Variants in THSD7B observed in about 807,000 individuals in gnomAD.
THSD7B encodes the protein thrombospondin type-1 domain-containing protein 7B.
Under a neutral mutation model 213.6 loss-of-function variants are expected in THSD7B, and 138 were observed. That is an observed-to-expected ratio of 0.65 (90% CI 0.56 to 0.74). The LOEUF is 0.74. Among genes scored for constraint, THSD7B ranks in the 30% least tolerant of loss-of-function variants. THSD7B has a pLI of 0.00. For synonymous variants in THSD7B, 742 were observed against 687.0 expected, an observed-to-expected ratio of 1.08 and a Z score of -1.25; for missense variants, 1,931 against 1,991.5, an observed-to-expected ratio of 0.97 and a Z score of 0.58.
At position 136,789,389 on chromosome 2, in the gene THSD7B, T is replaced by C. The variant is rs531706996; in HGVS notation, c.-36+23702T>C. On this transcript the variant is annotated intron_variant, in intron 1 of 27. Transcript: ENST00000409968. ...AATATACATGTTTTCAGGGTACCTC[T>C]GATAATATGATACATTCACATAATA... 1.5e-4 allele frequency among the ~76,000 whole-genome samples: 23 copies of C among 152,246 alleles called. No individual in the cohort carries two copies. In the South Asian group the frequency reaches 3.7e-3, roughly 25 times the overall value.
At chr2:137,158,109 A>C (rs1476010796) in intron 5 of THSD7B, among the ~76,000 whole-genome samples, 1 of 152,244 alleles carries the variant, frequency 6.6e-6, no homozygotes, top group East Asian at 1.9e-4. Flanking sequence ...GTAGCCAGAC[A>C]CTACTCAAGA....
intron 7 of THSD7B, among the ~76,000 whole-genome samples, chr2:137,216,655 G>A (rs1681251772): frequency 6.6e-6 from 1 of 152,184 alleles, no homozygotes; most frequent in East Asian, 1.9e-4. Flanking sequence ...AGATCCGTAA[G>A]TCAGCTCAGC....
intron 9 of THSD7B, 105 bp from the exon 10 acceptor site, chr2:137,242,352 G>A: frequency 3.7e-6 from 3 of 805,810 alleles, no homozygotes; most frequent in Non-Finnish European, 6.0e-6. Context: ...CACCTATTAA[G>A]GGAACATGAG....
At chr2:136,962,403 C>CTTTTTTTTTTTTTTT (rs71400559) in intron 2 of THSD7B, among the ~76,000 whole-genome samples, 2 of 100,178 alleles carry the variant, frequency 2.0e-5, no homozygotes, top group African/African-American at 3.8e-5. Context: ...AATCTGTTAT[C>CTTTTTTTTTTTTTTT]TTTTTTTTTT....
intron 6 of THSD7B, among the ~76,000 whole-genome samples, chr2:137,164,396 A>T (rs962468009): frequency 1.3e-5 from 2 of 152,158 alleles, no homozygotes; most frequent in Admixed American, 6.5e-5. Flanking sequence ...GCTGGAGAGG[A>T]TGTGGAGAAA....
rs921922402 is a variant in THSD7B at position 137,228,687 on chromosome 2, A to C, written c.1724-2357A>C. Reference sequence around the variant, plus strand: ...ACAAGTTCTCAGCCCTTTTATTTCCATTATTGGAGGGAACCATGCCAATCC... The same window carrying C: ...ACAAGTTCTCAGCCCTTTTATTTCCCTTATTGGAGGGAACCATGCCAATCC... On this transcript the variant is annotated intron_variant, in intron 7 of 27. Transcript: ENST00000409968. Among the ~76,000 whole-genome samples, 41 of 152,104 alleles carry C rather than the reference A, an allele frequency of 2.7e-4. 1 individual carries two copies. The highest frequency in any genetic ancestry group is 4.0e-4 in the Non-Finnish European group (27 of 68,016).
chr2:137,558,396 A>C lies in THSD7B; in HGVS notation c.3139-4825A>C, dbSNP rs188986759. Among the ~76,000 whole-genome samples the C allele has an allele frequency of 5.3e-3, 801 of 152,342 alleles. 9 individuals carry two copies. The highest frequency in any genetic ancestry group is 0.018 in the African/African-American group (752 of 41,568). ...AATTGGGCTTCATCCCTGGGATGCA[A>C]GGCTGGTTCAACATATGCAAATCAA... On this transcript the variant is annotated intron_variant, in intron 15 of 27. Transcript: ENST00000409968.
intron 15 of THSD7B, among the ~76,000 whole-genome samples, chr2:137,482,387 ATTTG>A (rs1688327830): frequency 6.6e-6 from 1 of 152,204 alleles, no homozygotes; most frequent in Non-Finnish European, 1.5e-5. Context: ...ATAAAATTAA[ATTTG>A]TTTATTTACT....
At chr2:137,314,539 A>G (rs1415692424) in intron 12 of THSD7B, among the ~76,000 whole-genome samples, 31 of 152,168 alleles carry the variant, frequency 2.0e-4, no homozygotes, top group East Asian at 1.2e-3. Context: ...GCTTTGTTCC[A>G]TTGCTGGTGA....
At chr2:137,247,241 A>G (rs187786556) in intron 10 of THSD7B, among the ~76,000 whole-genome samples, 1 of 152,204 alleles carries the variant, frequency 6.6e-6, no homozygotes, top group Admixed American at 6.5e-5. Flanking sequence ...GCATATTTTC[A>G]ACATTTAATT....
rs907442309 is a variant in THSD7B, at chr2:137,320,620, A to T, written c.2500+44594A>T. ...CAAAGCCCAAGGTCATGCTTTTCAT[A>T]TTTAAATGGAATAATAAGTTTTATT... On this transcript the variant is annotated intron_variant, in intron 12 of 27. Transcript: ENST00000409968. Among the ~76,000 whole-genome samples, 5 of 152,344 alleles carry T rather than the reference A, an allele frequency of 3.3e-5. No homozygotes were observed. The East Asian group carries it at 9.6e-4, about 29-fold the overall frequency.
intron 15 of THSD7B, chr2:137,452,168 CAG>C (rs1409144086): frequency 1.1e-5 from 3 of 264,368 alleles, no homozygotes; most frequent in Non-Finnish European, 1.8e-5. Flanking sequence ...AGTTCTAAAA[CAG>C]AGCATAGTTA....
intron 17 of THSD7B, among the ~76,000 whole-genome samples, chr2:137,613,865 A>G (rs530780189): frequency 1.8e-4 from 27 of 152,268 alleles, no homozygotes; most frequent in Non-Finnish European, 3.5e-4. Context: ...TGGACTTTGT[A>G]TAAACAGCTA....
intron 2 of THSD7B, among the ~76,000 whole-genome samples, chr2:137,020,602 C>T (rs1182360213): frequency 6.6e-6 from 1 of 152,102 alleles, no homozygotes; most frequent in Non-Finnish European, 1.5e-5. Flanking sequence ...AGGAGAAACC[C>T]CTGTACCCTG....
At chr2:136,920,513 T>C (rs189972210) in intron 2 of THSD7B, among the ~76,000 whole-genome samples, 4 of 152,284 alleles carry the variant, frequency 2.6e-5, no homozygotes, top group Admixed American at 2.6e-4. Context: ...GATTGGTCCA[T>C]GGGTGGCCAT....
chr2:137,339,981 G>C lies in THSD7B; in HGVS notation c.2500+63955G>C, dbSNP rs564952432. Among the ~76,000 whole-genome samples, 4 of 151,590 alleles carry C rather than the reference G, an allele frequency of 2.6e-5. No homozygotes were observed. The South Asian group carries it at 8.3e-4, about 32-fold the overall frequency. On this transcript the variant is annotated intron_variant, in intron 12 of 27. Coordinates refer to ENST00000409968, the MANE Select transcript of THSD7B (RefSeq NM_001316349.2). ...CTGATATCCCAGTTTTGTCTGGTGC[G>C]AAGGTCTAATAATTCTGTCATAGGA...
intron 1 of THSD7B, among the ~76,000 whole-genome samples, chr2:136,795,896 A>T (rs577728970): frequency 6.6e-6 from 1 of 152,096 alleles, no homozygotes; most frequent in South Asian, 2.1e-4. Flanking sequence ...TTTATCATAT[A>T]CATTTTTTAA....
intron 2 of THSD7B, chr2:136,990,931 T>G: frequency 7.4e-7 from 1 of 1,346,182 alleles, no homozygotes; most frequent in Non-Finnish European, 9.9e-7. Flanking sequence ...GTATCACAAA[T>G]TAGCAGGTAA....
At chr2:137,583,227 T>C (rs1377436568) in intron 17 of THSD7B, among the ~76,000 whole-genome samples, 1 of 152,224 alleles carries the variant, frequency 6.6e-6, no homozygotes, top group Non-Finnish European at 1.5e-5. Flanking sequence ...CTTTGTAGAT[T>C]TTGAATATTA....
Sources: allele counts gnomAD v4.1 joint callset (sites outside exome capture counted in the v4.1 genomes callset), GRCh38; gene constraint gnomAD v4.1.1; transcripts MANE v1.5; gene names NCBI Gene and HGNC (gene_info 2026-07-23, HGNC 2026-07-21).